The following RBFOX1 variants were observed in gnomAD, a reference collection of about 807,000 sequenced individuals.
RBFOX1 encodes the protein RNA binding fox-1 homolog 1.
A neutral mutation model predicts 57.7 loss-of-function variants in RBFOX1; 8 were observed. The ratio of observed to expected loss-of-function variants is 0.14; its 90% confidence interval spans 0.08 to 0.25. RBFOX1 has a LOEUF of 0.25. Among genes scored for constraint, RBFOX1 ranks in the 10% least tolerant of loss-of-function variants. The pLI, the probability that RBFOX1 is intolerant of heterozygous loss-of-function variation, is 1.00. For missense variants in RBFOX1, 611 were observed against 548.5 expected, an observed-to-expected ratio of 1.11 and a Z score of -1.14; for synonymous variants, 326 against 222.4, an observed-to-expected ratio of 1.47 and a Z score of -4.15.
At chr16:6,078,669 G>A (rs2095949373) in intron 1 of RBFOX1, among the ~76,000 whole-genome samples, 1 of 126,328 alleles carries the variant, frequency 7.9e-6, no homozygotes. Flanking sequence ...GCTGAGACAA[G>A]GCAGGGCATC....
rs76465396 is a variant in RBFOX1 at position 6,205,207 on chromosome 16, A to T, written c.-126-111788A>T. On this transcript the variant is annotated intron_variant, in intron 1 of 15. Transcript: ENST00000550418. ...TGACATTTGGGTTACTGCTTCATAT[A>T]TGGGAGACTTGCTAGCTAGTTCCGA... Among the ~76,000 whole-genome samples the T allele has an allele frequency of 6.7e-3, 1,013 of 152,264 alleles. 5 individuals are homozygous for T. Among genetic ancestry groups the T allele is most frequent in the African/African-American group, 0.015 (608 of 41,546 alleles).
chr16:7,100,021 A>T (rs934114675), intron 4 of RBFOX1, among the ~76,000 whole-genome samples: 16 of 151,736 alleles, frequency 1.1e-4, no homozygotes, highest in Non-Finnish European at 2.1e-4. Flanking sequence ...TAAACTTTAG[A>T]TTGCCCTGGT....
intron 4 of RBFOX1, among the ~76,000 whole-genome samples, chr16:7,434,345 G>A (rs1396381055): frequency 3.3e-5 from 5 of 151,996 alleles, no homozygotes; most frequent in Non-Finnish European, 7.4e-5. Flanking sequence ...AGTGGCGGGC[G>A]CCAGTAGTCC....
chr16:6,275,413 G>A (rs2075697019), intron 1 of RBFOX1, among the ~76,000 whole-genome samples: 3 of 152,170 alleles, frequency 2.0e-5, no homozygotes, highest in Admixed American at 2.0e-4. Flanking sequence ...TTTCTGCAGT[G>A]CTTGACTGCT....
intron 2 of RBFOX1, among the ~76,000 whole-genome samples, chr16:6,484,326 C>T (rs563398944): frequency 4.6e-5 from 7 of 152,286 alleles, no homozygotes; most frequent in Admixed American, 3.3e-4. Context: ...CGCTGCATAT[C>T]TGTGTAAACA....
chr16:7,671,671 G>C (rs1338376507), intron 13 of RBFOX1: 2 of 1,366,706 alleles, frequency 1.5e-6, no homozygotes, highest in African/African-American at 1.4e-5. Flanking sequence ...TTACTAACAA[G>C]ATAATTCTGG....
intron 4 of RBFOX1, among the ~76,000 whole-genome samples, chr16:7,456,142 T>G (rs2058467143): frequency 6.6e-6 from 1 of 152,312 alleles, no homozygotes; most frequent in African/African-American, 2.4e-5. Context: ...CCAGAAATTA[T>G]GTGGCCAATC....
Position 6,234,799 on chromosome 16 carries a change from C to T in RBFOX1, c.-126-82196C>T, listed in dbSNP as rs145448372. On this transcript the variant is annotated intron_variant, in intron 1 of 15. Transcript: ENST00000550418. ...TATACATACACATGAACCACACATA[C>T]GCATGAACTACACACAGACACACAC... is the stretch of plus-strand genomic sequence containing the variant. Among the ~76,000 whole-genome samples the T allele has an allele frequency of 9.3e-5, 14 of 150,548 alleles. No individual in the cohort carries two copies. In the East Asian group the frequency reaches 1.4e-3, roughly 15 times the overall value.
chr16:5,309,452 G>A (rs1221397963), intron 1 of RBFOX1, among the ~76,000 whole-genome samples: 2 of 152,104 alleles, frequency 1.3e-5, no homozygotes, highest in Non-Finnish European at 2.9e-5. Context: ...TTTACCTAGA[G>A]GTTCATAATG....
intron 3 of RBFOX1, among the ~76,000 whole-genome samples, chr16:6,835,793 G>A (rs2093053004): frequency 2.2e-5 from 3 of 139,274 alleles, no homozygotes; most frequent in African/African-American, 7.9e-5. Flanking sequence ...TTTGTATCAT[G>A]TGTAGCTCTA....
intron 1 of RBFOX1, among the ~76,000 whole-genome samples, chr16:5,314,039 A>G (rs918303821): frequency 2.0e-5 from 3 of 152,188 alleles, no homozygotes; most frequent in African/African-American, 7.2e-5. Context: ...AATAAATAAT[A>G]ATAATGATCG....
chr16:7,210,665 T>C (rs1292988865), intron 4 of RBFOX1, among the ~76,000 whole-genome samples: 1 of 152,304 alleles, frequency 6.6e-6, no homozygotes, highest in Admixed American at 6.5e-5. Context: ...GTGTCAGGCA[T>C]GCTGTTAAAG....
Position 5,419,025 on chromosome 16 carries a change from A to G in RBFOX1, c.220-48191A>G, listed in dbSNP as rs147862192. Reference sequence around the variant, plus strand: ...TAGGCCAGAGAGAGCAAGGTGGGGAAGGTACCTCACAGAGTCAGAGACCAG... The same window carrying G: ...TAGGCCAGAGAGAGCAAGGTGGGGAGGGTACCTCACAGAGTCAGAGACCAG... On this transcript the variant is annotated intron_variant, in intron 1 of 2. Coordinates refer to the RBFOX1 transcript ENST00000585867. Among the ~76,000 whole-genome samples, 256 of 152,260 alleles carry G rather than the reference A, an allele frequency of 1.7e-3. No homozygotes were observed. The Middle Eastern group carries it at 0.017, about 10-fold the overall frequency.
intron 3 of RBFOX1, among the ~76,000 whole-genome samples, chr16:5,728,395 A>G (rs2052234656): frequency 6.6e-6 from 1 of 152,210 alleles, no homozygotes; most frequent in Non-Finnish European, 1.5e-5. Context: ...GTGCAAAGGA[A>G]TGGTCTTGTG....
chr16:7,188,254 G>T (rs1602321012), intron 4 of RBFOX1, among the ~76,000 whole-genome samples: 1 of 152,210 alleles, frequency 6.6e-6, no homozygotes, highest in African/African-American at 2.4e-5. Flanking sequence ...GTCCATGGCT[G>T]CAGAGATGGA....
intron 1 of RBFOX1, among the ~76,000 whole-genome samples, chr16:5,261,467 T>C (rs2062729859): frequency 6.6e-6 from 1 of 152,162 alleles, no homozygotes. Flanking sequence ...AGTAATTTAG[T>C]TGGCTATAAA....
At chr16:5,904,361 C>T (rs1032141616) in intron 4 of RBFOX1, among the ~76,000 whole-genome samples, 9 of 152,132 alleles carry the variant, frequency 5.9e-5, no homozygotes, top group Admixed American at 5.2e-4. Flanking sequence ...GCAGAGGCTG[C>T]TCCATCACTT....
rs372662535 is a variant in RBFOX1, at chr16:6,164,390, A to T, written c.-127+144398A>T. On this transcript the variant is annotated intron_variant, in intron 1 of 15. Transcript: ENST00000550418. Reference sequence around the variant, plus strand: ...TTGCATACCTATTTGTATCCTGAGGAATCTTGCATTTCCAAAATATATATA... The same window carrying T: ...TTGCATACCTATTTGTATCCTGAGGTATCTTGCATTTCCAAAATATATATA... Among the ~76,000 whole-genome samples the T allele has an allele frequency of 4.3e-3, 653 of 152,076 alleles. 8 individuals carry two copies. The highest frequency in any genetic ancestry group is 0.015 in the African/African-American group (608 of 41,510).
At chr16:6,971,775 A>G (rs536071679) in intron 3 of RBFOX1, among the ~76,000 whole-genome samples, 2 of 152,192 alleles carry the variant, frequency 1.3e-5, no homozygotes, top group East Asian at 1.9e-4. Flanking sequence ...TGGAGTGTCC[A>G]CAGTCCTGCT....
Sources: allele counts gnomAD v4.1 joint callset (sites outside exome capture counted in the v4.1 genomes callset), GRCh38; gene constraint gnomAD v4.1.1; transcripts MANE v1.5; gene names NCBI Gene and HGNC (gene_info 2026-07-23, HGNC 2026-07-21).